IMPG1: variants seen among roughly 807,000 people sequenced by gnomAD.
IMPG1 encodes the protein interphotoreceptor matrix proteoglycan 1.
A neutral mutation model predicts 92.0 loss-of-function variants in IMPG1; 85 were observed. That is an observed-to-expected ratio of 0.92 (90% CI 0.78 to 1.11). The LOEUF is 1.11. Ranked by LOEUF, IMPG1 falls within the 50% of genes least tolerant of loss-of-function variation. The pLI is 0.00. For missense variants in IMPG1, 1,022 were observed against 956.0 expected (o/e 1.07, Z -0.91); for synonymous variants, 367 against 334.1 (o/e 1.10, Z -1.08).
chr6:76,035,023 T>C (rs561559562), intron 2 of IMPG1, among the ~76,000 whole-genome samples: 26 of 151,894 alleles, frequency 1.7e-4, no homozygotes, highest in Non-Finnish European at 3.1e-4. Context: ...TGTGCGTGTG[T>C]GTGTGTGTGC....
intron 12 of IMPG1, among the ~76,000 whole-genome samples, chr6:75,961,392 T>C (rs1782210426): frequency 6.6e-6 from 1 of 152,192 alleles, no homozygotes; most frequent in African/African-American, 2.4e-5. Context: ...ATAGAAAATG[T>C]TAATTATCCA....
intron 1 of IMPG1, among the ~76,000 whole-genome samples, chr6:76,061,298 C>T (rs972765865): frequency 6.6e-6 from 1 of 152,164 alleles, no homozygotes; most frequent in Non-Finnish European, 1.5e-5. Context: ...TTAAGGACAT[C>T]CTCTTAGACA....
At chr6:75,994,946 G>C (rs535503771) in intron 12 of IMPG1, among the ~76,000 whole-genome samples, 1 of 152,184 alleles carries the variant, frequency 6.6e-6, no homozygotes, top group Non-Finnish European at 1.5e-5. Flanking sequence ...TGACTAAAAA[G>C]AGGTAAGAGG....
rs1297166030 is a variant in IMPG1 at position 75,950,827 on chromosome 6, T to C, written c.1559A>G (p.Asp520Gly). The stretch of plus-strand genomic sequence containing the variant: ...AGGAGTGTCAGACAGATCCATTTCA[T>C]CTAGGTGTCTGACCATATCTTCGCC... ...AGGEDMVRHL[D>G]EMDLSDTPAP... The change falls in exon 13 of 17, where the codon GAT becomes GGT. Residue 520 changes from aspartate (D) to glycine (G), a missense_variant. By Grantham distance (94) the Asp-to-Gly change is moderately conservative. This residue lies in a region of IMPG1 where 332 missense variants were observed against 346.2 expected (regional missense o/e 0.96). Coordinates refer to ENST00000369950, the MANE Select transcript of IMPG1 (RefSeq NM_001563.4). The C allele has an allele frequency of 6.2e-7, 1 of 1,613,836 alleles. No individual in the cohort carries two copies. Among genetic ancestry groups the C allele is most frequent in the African/African-American group, 1.3e-5 (1 of 74,928 alleles).
chr6:75,986,832 G>T (rs1395673054), intron 12 of IMPG1, among the ~76,000 whole-genome samples: 2 of 151,866 alleles, frequency 1.3e-5, no homozygotes, highest in Non-Finnish European at 2.9e-5. Context: ...AAAGCAAAAA[G>T]AAAACAAATA....
rs1384914258 is a variant in IMPG1 at position 75,974,397 on chromosome 6, T to TTCCTTCCTTCCTTGC, written c.1292-23304_1292-23303insGCAAGGAAGGAAGGA. ...TTTCTTTCTTTCTTTCTTTCTTTTC[T>TTCCTTCCTTCCTTGC]TTCTTTCCTTCCTTCCTTCCTTCCT... On this transcript the variant is annotated intron_variant, in intron 12 of 16. Transcript: ENST00000369950. 3.2e-4 allele frequency among the ~76,000 whole-genome samples: 26 copies of TTCCTTCCTTCCTTGC among 81,184 alleles called. 1 individual carries two copies. Among genetic ancestry groups the TTCCTTCCTTCCTTGC allele is most frequent in the East Asian group, 1.5e-3 (3 of 2,016 alleles). The allele number at this position is 81,184 out of a possible 152,430, so 53.3% of individuals were successfully genotyped here. A position where few individuals can be genotyped will look rare whatever the true frequency, so the allele number is the denominator to read the frequency against.
rs573390875 is a variant in IMPG1, at chr6:76,005,125, G to A, written c.1135+162C>T. Among the ~76,000 whole-genome samples, 109 of 152,276 alleles carry A rather than the reference G, an allele frequency of 7.2e-4. 1 individual carries two copies. The South Asian group carries it at 8.1e-3, about 11-fold the overall frequency. ...CAAAGACTCATCAAATGAGACACAGGAAGGAGTGAGAAAAGCTAGAAATGA... is the reference window on the plus strand; with the variant it reads ...CAAAGACTCATCAAATGAGACACAGAAAGGAGTGAGAAAAGCTAGAAATGA... On this transcript the variant is annotated intron_variant, in intron 10 of 16. Coordinates refer to ENST00000369950, the MANE Select transcript of IMPG1 (RefSeq NM_001563.4).
At chr6:76,034,424 C>A in intron 3 of IMPG1, 81 bp from the exon 4 acceptor site, 1 of 1,342,328 alleles carries the variant, frequency 7.4e-7, no homozygotes, top group South Asian at 1.2e-5. Flanking sequence ...TCATTCCCTT[C>A]TCCCTTAACC....
chr6:75,922,169 G>A lies in IMPG1; in HGVS notation c.2317-3C>T, dbSNP rs372068868. ...TCAGAATTTCTTTTACTGATTACCT[G>A]AAAGAGAAATAGTTTTAAGAACTTA... On this transcript the variant is annotated splice_polypyrimidine_tract_variant and splice_region_variant and intron_variant, in intron 16 of 16. Transcript: ENST00000369950. The A allele has an allele frequency of 1.6e-6, 2 of 1,245,776 alleles. No individual in the cohort carries two copies. Among genetic ancestry groups the A allele is most frequent in the Non-Finnish European group, 2.3e-6 (2 of 861,364 alleles). 77.2% of individuals were successfully genotyped at this position (1,245,776 alleles called of 1,614,324 possible). A position where few individuals can be genotyped will look rare whatever the true frequency, so the allele number is the denominator to read the frequency against.
chr6:75,924,720 A>ATTATATATC (rs1473153892), intron 15 of IMPG1, among the ~76,000 whole-genome samples: 2 of 2,498 alleles, frequency 8.0e-4, no homozygotes, highest in Non-Finnish European at 1.9e-3. Context: ...TATAATATAT[A>ATTATATATC]ATATAATTAT....
At chr6:76,022,873 T>C (rs1170985604) in intron 5 of IMPG1, among the ~76,000 whole-genome samples, 2 of 152,254 alleles carry the variant, frequency 1.3e-5, no homozygotes, top group Admixed American at 6.5e-5. Flanking sequence ...AATAGTGTTA[T>C]AGTTAATTGG....
At chr6:75,924,500 A>AATATAATTATATAT (rs1562334562) in intron 15 of IMPG1, among the ~76,000 whole-genome samples, 10 of 86,712 alleles carry the variant, frequency 1.2e-4, no homozygotes, top group African/African-American at 3.7e-4. Flanking sequence ...TAATATAATT[A>AATATAATTATATAT]TATAATATAA....
intron 11 of IMPG1, among the ~76,000 whole-genome samples, 165 bp downstream of exon 11, chr6:76,003,709 T>C (rs1444031465): frequency 1.3e-5 from 2 of 152,244 alleles, no homozygotes; most frequent in African/African-American, 2.4e-5. Context: ...TTAATACGGA[T>C]ACTGAAAGTG....
intron 15 of IMPG1, among the ~76,000 whole-genome samples, chr6:75,925,098 A>G (rs1477669859): frequency 2.6e-5 from 4 of 151,910 alleles, no homozygotes; most frequent in African/African-American, 9.7e-5. Context: ...CAAAATAGCT[A>G]GAAGAGAGGA....
chr6:75,951,899 G>T (rs1782039838), intron 12 of IMPG1, among the ~76,000 whole-genome samples: 1 of 151,958 alleles, frequency 6.6e-6, no homozygotes, highest in Non-Finnish European at 1.5e-5. Context: ...CCGAGATCAT[G>T]CCACTGCATT....
chr6:75,936,604 G>A (rs979146780), intron 14 of IMPG1, among the ~76,000 whole-genome samples: 2 of 152,220 alleles, frequency 1.3e-5, no homozygotes, highest in Non-Finnish European at 2.9e-5. Flanking sequence ...CTCTCAAGAA[G>A]CACCACCACA....
chr6:76,039,058 C>T (rs1783790801), intron 2 of IMPG1, among the ~76,000 whole-genome samples: 1 of 152,200 alleles, frequency 6.6e-6, no homozygotes, highest in Non-Finnish European at 1.5e-5. Flanking sequence ...CTGAACATGC[C>T]ATTTTACTTC....
intron 7 of IMPG1, among the ~76,000 whole-genome samples, chr6:76,013,211 T>C (rs1054590717): frequency 4.6e-5 from 7 of 152,064 alleles, no homozygotes; most frequent in African/African-American, 1.4e-4. Flanking sequence ...GCTGGACCCA[T>C]TGAACAAGAT....
intron 6 of IMPG1, among the ~76,000 whole-genome samples, chr6:76,019,924 A>G (rs1249470333): frequency 6.6e-6 from 1 of 152,228 alleles, no homozygotes; most frequent in Non-Finnish European, 1.5e-5. Flanking sequence ...AAAAGAGATG[A>G]GAGATGAGTT....
Sources: allele counts gnomAD v4.1 joint callset (sites outside exome capture counted in the v4.1 genomes callset), GRCh38; gene constraint gnomAD v4.1.1; regional missense constraint gnomAD v4.1.1; transcripts MANE v1.5; gene names NCBI Gene and HGNC (gene_info 2026-07-23, HGNC 2026-07-21).